MEGF11: variants seen among roughly 807,000 people sequenced by gnomAD.
MEGF11 encodes the protein multiple epidermal growth factor-like domains protein 11.
A neutral mutation model predicts 146.6 loss-of-function variants in MEGF11; 126 were observed. The ratio of observed to expected loss-of-function variants is 0.86; its 90% CI spans 0.74 to 1.00. MEGF11 has a LOEUF of 1.00. MEGF11 is among the 50% of genes least tolerant of loss of function. The pLI is 0.00. For synonymous variants in MEGF11, 532 were observed against 583.4 expected (o/e 0.91, Z 1.27); for missense variants, 1,509 against 1,521.2 (o/e 0.99, Z 0.13).
At chr15:66,183,594 A>G (rs898999555) in intron 1 of MEGF11, among the ~76,000 whole-genome samples, 2 of 152,056 alleles carry the variant, frequency 1.3e-5, no homozygotes, top group Non-Finnish European at 2.9e-5. Context: ...GGCCAAACAA[A>G]AGCTGTTCAT....
intron 10 of MEGF11, among the ~76,000 whole-genome samples, chr15:65,946,986 A>T (rs1412006753): frequency 2.0e-5 from 3 of 152,194 alleles, no homozygotes; most frequent in African/African-American, 7.2e-5. Flanking sequence ...CAGAACTTTT[A>T]GGAGAAGCAA....
chr15:65,938,780 C>T (rs1011646503), intron 10 of MEGF11, among the ~76,000 whole-genome samples: 10 of 152,258 alleles, frequency 6.6e-5, no homozygotes, highest in Admixed American at 6.5e-4. Flanking sequence ...CAAATCGCTC[C>T]TCTACCTTCC....
At chr15:66,167,536 TG>T (rs1273941018) in intron 1 of MEGF11, among the ~76,000 whole-genome samples, 3 of 152,028 alleles carry the variant, frequency 2.0e-5, no homozygotes, top group African/African-American at 7.3e-5. Flanking sequence ...TCCCAGCTAC[TG>T]GGGAGGCTGA....
intron 1 of MEGF11, among the ~76,000 whole-genome samples, chr15:66,167,578 G>A (rs1488346486): frequency 6.6e-6 from 1 of 152,156 alleles, no homozygotes; most frequent in Non-Finnish European, 1.5e-5. Flanking sequence ...CCGGGAGGCA[G>A]AGATTGCAGT....
At chr15:66,117,876 C>T (rs1452614533) in intron 4 of MEGF11, among the ~76,000 whole-genome samples, 1 of 152,180 alleles carries the variant, frequency 6.6e-6, no homozygotes, top group Non-Finnish European at 1.5e-5. Context: ...ACCATCACTA[C>T]CGAACCCATT....
intron 20 of MEGF11, among the ~76,000 whole-genome samples, chr15:65,912,752 T>G (rs911255205): frequency 6.6e-6 from 1 of 152,234 alleles, no homozygotes; most frequent in Non-Finnish European, 1.5e-5. Context: ...TAGTGTGGCA[T>G]GTAGACCAGG....
At chr15:65,999,474 GTGCCCAC>G (rs1177340810) in intron 5 of MEGF11, among the ~76,000 whole-genome samples, 7 of 152,128 alleles carry the variant, frequency 4.6e-5, no homozygotes, top group Non-Finnish European at 8.8e-5. Context: ...TCCACCTCAT[GTGCCCAC>G]TGCTTTTTGC....
chr15:66,252,693 C>G (rs1055760492), intron 1 of MEGF11, among the ~76,000 whole-genome samples: 4 of 152,342 alleles, frequency 2.6e-5, no homozygotes, highest in African/African-American at 9.6e-5. Context: ...AACGATTCTG[C>G]CTATTTTTAA....
At chr15:66,212,476 A>G (rs1480625165) in intron 1 of MEGF11, among the ~76,000 whole-genome samples, 1 of 152,112 alleles carries the variant, frequency 6.6e-6, no homozygotes, top group Non-Finnish European at 1.5e-5. Flanking sequence ...GAAAGAGAGA[A>G]GATAAAGGAG....
At chr15:66,075,278 T>A (rs2085525455) in intron 5 of MEGF11, among the ~76,000 whole-genome samples, 1 of 152,186 alleles carries the variant, frequency 6.6e-6, no homozygotes, top group Non-Finnish European at 1.5e-5. Context: ...TCTATCAGAT[T>A]AGGCCAGCAC....
chr15:66,133,709 T>G (rs922707427), intron 1 of MEGF11, among the ~76,000 whole-genome samples: 3 of 152,188 alleles, frequency 2.0e-5, no homozygotes, highest in Non-Finnish European at 2.9e-5. Context: ...TTTGCCTTGA[T>G]GAAGCCTCCT....
At chr15:66,249,964 G>A (rs2092348126) in intron 1 of MEGF11, among the ~76,000 whole-genome samples, 2 of 152,302 alleles carry the variant, frequency 1.3e-5, no homozygotes, top group Admixed American at 6.5e-5. Context: ...GATTCTATAC[G>A]GGCTGGGCCC....
intron 5 of MEGF11, among the ~76,000 whole-genome samples, chr15:66,079,708 A>G (rs998106616): frequency 6.6e-6 from 1 of 152,150 alleles, no homozygotes; most frequent in African/African-American, 2.4e-5. Flanking sequence ...CGTTTGCCAT[A>G]CAGGGTCATT....
chr15:66,078,638 T>C (rs1279681474), intron 5 of MEGF11, among the ~76,000 whole-genome samples: 1 of 152,172 alleles, frequency 6.6e-6, no homozygotes, highest in African/African-American at 2.4e-5. Flanking sequence ...GTGCAGTTCG[T>C]GAGTCCCCTC....
chr15:66,167,760 T>C (rs1338335418), intron 1 of MEGF11, among the ~76,000 whole-genome samples: 1 of 152,176 alleles, frequency 6.6e-6, no homozygotes, highest in East Asian at 1.9e-4. Context: ...GGAGCTGAAA[T>C]CTCCATCTAC....
chr15:65,990,078 G>A (rs1477932116), intron 5 of MEGF11, among the ~76,000 whole-genome samples: 1 of 152,130 alleles, frequency 6.6e-6, no homozygotes, highest in African/African-American at 2.4e-5. Context: ...AGCTGTGGTG[G>A]TGCACACCTG....
chr15:66,125,854 C>T (rs1207225903), intron 2 of MEGF11, among the ~76,000 whole-genome samples: 1 of 152,186 alleles, frequency 6.6e-6, no homozygotes, highest in Admixed American at 6.5e-5. Flanking sequence ...TCAGCCCTAA[C>T]ATAGACCTTG....
In MEGF11 at chr15:65,897,885, G is replaced by C; in HGVS notation, c.*49C>G. On this transcript the variant is annotated 3_prime_UTR_variant, in exon 26 of 26. Transcript: ENST00000395614. Reference sequence around the variant, plus strand: ...CAAGTCAAGGGACTGTCTTCTTTCAGAGTCAGAATATTCAGTAGAGCACAC... The same window carrying C: ...CAAGTCAAGGGACTGTCTTCTTTCACAGTCAGAATATTCAGTAGAGCACAC... 1.9e-6 allele frequency: 3 copies of C among 1,554,382 alleles called. No individual in the cohort carries two copies. The highest frequency in any genetic ancestry group is 2.6e-6 in the Non-Finnish European group (3 of 1,142,388).
chr15:65,932,231 A>C (rs1290933122), intron 10 of MEGF11, among the ~76,000 whole-genome samples: 3 of 152,100 alleles, frequency 2.0e-5, no homozygotes, highest in Non-Finnish European at 4.4e-5. Context: ...GAGATCCTTT[A>C]TGCCTCCATC....
Sources: allele counts gnomAD v4.1 joint callset (sites outside exome capture counted in the v4.1 genomes callset), GRCh38; gene constraint gnomAD v4.1.1; transcripts MANE v1.5; gene names NCBI Gene and HGNC (gene_info 2026-07-23, HGNC 2026-07-21).